The following CCBE1 variants were observed in gnomAD, a reference collection of about 807,000 sequenced individuals.
CCBE1 encodes the protein collagen and calcium-binding EGF domain-containing protein 1.
CCBE1 carries 37 observed loss-of-function variants against 50.0 expected under a neutral mutation model. That is an observed-to-expected ratio of 0.74 (90% CI 0.57 to 0.97). The LOEUF is 0.97. Ranked by LOEUF, CCBE1 falls within the 50% of genes least tolerant of loss-of-function variation. The probability of loss-of-function intolerance (pLI) is 0.00; values close to 1 mark genes in which losing one functional copy is unlikely to be tolerated. For synonymous variants in CCBE1, 234 were observed against 203.7 expected (o/e 1.15, Z -1.27); for missense variants, 538 against 523.8 (o/e 1.03, Z -0.26).
chr18:59,586,115 T>C (rs1235752572), intron 2 of CCBE1, among the ~76,000 whole-genome samples: 2 of 152,216 alleles, frequency 1.3e-5, no homozygotes, highest in Admixed American at 6.5e-5. Context: ...ACTAGTATCA[T>C]GGACATGAGA....
At chr18:59,573,141 C>G (rs1449441723) in intron 2 of CCBE1, among the ~76,000 whole-genome samples, 1 of 151,154 alleles carries the variant, frequency 6.6e-6, no homozygotes, top group East Asian at 1.9e-4. Flanking sequence ...AAAAATAAGC[C>G]AGGTAAGGTG....
intron 2 of CCBE1, among the ~76,000 whole-genome samples, chr18:59,596,039 T>G (rs1205607827): frequency 1.3e-5 from 2 of 152,260 alleles, no homozygotes; most frequent in African/African-American, 4.8e-5. Flanking sequence ...TGTCTAGGAC[T>G]TTTAATTCTA....
rs1216012986 is a variant in CCBE1 at position 59,435,164 on chromosome 18, T to G, written c.*744A>C. Reference sequence around the variant, plus strand: ...ACTTTGTTTTTTTGAAAAGAGAGTTTAATCTTCTTCCCTAAATAGGATACT... The same window carrying G: ...ACTTTGTTTTTTTGAAAAGAGAGTTGAATCTTCTTCCCTAAATAGGATACT... On this transcript the variant is annotated 3_prime_UTR_variant, in exon 11 of 11. Coordinates refer to ENST00000439986, the MANE Select transcript of CCBE1 (RefSeq NM_133459.4). 6.6e-6 allele frequency: 1 copy of G among 152,252 alleles called. No individual in the cohort carries two copies. Among genetic ancestry groups the G allele is most frequent in the Non-Finnish European group, 1.5e-5 (1 of 68,056 alleles). The allele number at this position is 152,252 out of a possible 1,614,324, so 9.4% of individuals were successfully genotyped here.
At chr18:59,597,561 A>AATT (rs1555696844) in intron 2 of CCBE1, among the ~76,000 whole-genome samples, 1 of 151,446 alleles carries the variant, frequency 6.6e-6, no homozygotes, top group African/African-American at 2.4e-5. Flanking sequence ...ACTACAAAAA[A>AATT]AGTAGTAGTA....
intron 2 of CCBE1, among the ~76,000 whole-genome samples, chr18:59,525,023 G>A (rs937989428): frequency 6.6e-6 from 1 of 152,160 alleles, no homozygotes; most frequent in African/African-American, 2.4e-5. Flanking sequence ...TGTGAATGGT[G>A]CTGTAATGAA....
At position 59,438,092 on chromosome 18, in the gene CCBE1, GAC is replaced by G. The variant is rs1182399419; in HGVS notation, c.987+17_987+18del. 1.2e-6 allele frequency: 2 copies of G among 1,613,790 alleles called. No individual in the cohort carries two copies. Among genetic ancestry groups the G allele is most frequent in the African/African-American group, 1.3e-5 (1 of 74,960 alleles). The stretch of plus-strand genomic sequence containing the variant: ...TGAGAACGTTCCCCTGGGGAAGCAG[GAC>G]ACAGAGTGCTACTTACTGGAGACCC... On this transcript the variant is annotated intron_variant, in intron 10 of 10. Coordinates refer to ENST00000439986, the MANE Select transcript of CCBE1 (RefSeq NM_133459.4).
At chr18:59,522,238 G>C (rs1268335361) in intron 2 of CCBE1, among the ~76,000 whole-genome samples, 1 of 151,230 alleles carries the variant, frequency 6.6e-6, no homozygotes, top group Non-Finnish European at 1.5e-5. Context: ...TATATCGTAA[G>C]TCCTCACTTC....
At chr18:59,490,647 A>G (rs906301480) in intron 2 of CCBE1, among the ~76,000 whole-genome samples, 4 of 152,228 alleles carry the variant, frequency 2.6e-5, no homozygotes, top group African/African-American at 9.6e-5. Context: ...CCAAAACAGC[A>G]ACATTTTAAA....
chr18:59,528,997 G>A (rs1434487227), intron 2 of CCBE1, among the ~76,000 whole-genome samples: 1 of 152,234 alleles, frequency 6.6e-6, no homozygotes, highest in Non-Finnish European at 1.5e-5. Flanking sequence ...TCTTGGCGGA[G>A]GGGGTGTGCT....
intron 2 of CCBE1, among the ~76,000 whole-genome samples, chr18:59,489,406 C>A (rs923693802): frequency 6.7e-6 from 1 of 149,310 alleles, no homozygotes. Context: ...TCTTATTTTT[C>A]TTCTTTTTAT....
chr18:59,604,974 C>T (rs116651835), intron 2 of CCBE1, among the ~76,000 whole-genome samples: 1,835 of 152,302 alleles, frequency 0.012, 24 homozygotes, highest in East Asian at 0.033. Context: ...AAACTGGAGA[C>T]GGGAGCTCAG....
chr18:59,490,046 G>A (rs1218969801), intron 2 of CCBE1, among the ~76,000 whole-genome samples: 1 of 145,290 alleles, frequency 6.9e-6, no homozygotes, highest in Non-Finnish European at 1.5e-5. Flanking sequence ...GAGTGCAGTG[G>A]CGTGATCTTG....
chr18:59,433,445 T>G lies in CCBE1; in HGVS notation c.*2463A>C, dbSNP rs1910012305. The G allele has an allele frequency of 6.6e-6, 1 of 151,922 alleles. No individual in the cohort carries two copies. Among genetic ancestry groups the G allele is most frequent in the Non-Finnish European group, 1.5e-5 (1 of 67,994 alleles). 9.4% of individuals were successfully genotyped at this position (151,922 alleles called of 1,614,324 possible). A position where few individuals can be genotyped will look rare whatever the true frequency, so the allele number is the denominator to read the frequency against. On this transcript the variant is annotated 3_prime_UTR_variant, in exon 11 of 11. Coordinates refer to ENST00000439986, the MANE Select transcript of CCBE1 (RefSeq NM_133459.4). ...AAATGAGACATAGAGGAGCAAAGTG[T>G]TCATGAAAGACTCGGTCACATGCTG...
chr18:59,494,663 A>G (rs535292817), intron 2 of CCBE1, among the ~76,000 whole-genome samples: 1 of 152,352 alleles, frequency 6.6e-6, no homozygotes, highest in East Asian at 1.9e-4. Context: ...CCATGAATGA[A>G]TATGAATTAA....
chr18:59,604,530 A>G (rs1476762967), intron 2 of CCBE1, among the ~76,000 whole-genome samples: 1 of 152,260 alleles, frequency 6.6e-6, no homozygotes, highest in Admixed American at 6.5e-5. Context: ...CTCCCTTGAT[A>G]TAAGCCAACA....
intron 2 of CCBE1, among the ~76,000 whole-genome samples, chr18:59,531,269 T>A (rs1478687770): frequency 1.1e-5 from 1 of 91,846 alleles, no homozygotes; most frequent in African/African-American, 4.9e-5. Flanking sequence ...GCCTCATCAA[T>A]ACCCCAAGCC....
At chr18:59,449,009 T>C (rs551559218) in intron 6 of CCBE1, among the ~76,000 whole-genome samples, 1 of 152,110 alleles carries the variant, frequency 6.6e-6, no homozygotes, top group Admixed American at 6.5e-5. Context: ...GGGAAATGTA[T>C]CAGTAAATCT....
At chr18:59,477,891 A>T (rs979115091) in intron 3 of CCBE1, among the ~76,000 whole-genome samples, 4 of 152,198 alleles carry the variant, frequency 2.6e-5, no homozygotes, top group Non-Finnish European at 4.4e-5. Flanking sequence ...GATTTGTGAT[A>T]ATTTTTTGTG....
intron 2 of CCBE1, among the ~76,000 whole-genome samples, chr18:59,557,142 C>T (rs1235804603): frequency 6.6e-6 from 1 of 152,172 alleles, no homozygotes; most frequent in Non-Finnish European, 1.5e-5. Flanking sequence ...ATGTGAAGCT[C>T]CCAGCAGAGG....
Sources: allele counts gnomAD v4.1 joint callset (sites outside exome capture counted in the v4.1 genomes callset), GRCh38; gene constraint gnomAD v4.1.1; transcripts MANE v1.5; gene names NCBI Gene and HGNC (gene_info 2026-07-23, HGNC 2026-07-21).